TEAD4: variants seen among roughly 807,000 people sequenced by gnomAD.
The protein encoded by TEAD4 is transcriptional enhancer factor TEF-3.
In TEAD4, 36 loss-of-function variants were observed where a neutral mutation model predicts 52.4. The observed-to-expected ratio is 0.69, with a 90% CI of 0.53 to 0.91. The LOEUF (loss-of-function observed/expected upper bound fraction) is 0.91, where lower values mean the gene tolerates loss of function less well. Among genes scored for constraint, TEAD4 ranks in the 40% least tolerant of loss-of-function variants. The pLI is 0.00. For synonymous variants in TEAD4, 220 were observed against 231.0 expected (o/e 0.95, Z 0.43); for missense variants, 508 against 583.9 (o/e 0.87, Z 1.34).
intron 10 of TEAD4, among the ~76,000 whole-genome samples, chr12:3,035,377 T>G (rs2098278716): frequency 1.3e-5 from 2 of 152,244 alleles, no homozygotes; most frequent in South Asian, 4.1e-4. Context: ...GCAGCTGGGC[T>G]TCCTGCCAGC....
At position 2,990,461 on chromosome 12, in the gene TEAD4, C is replaced by CTTTTTTTTT; in HGVS notation, c.-29-4258_-29-4250dup. Among the ~76,000 whole-genome samples, 272 of 67,036 alleles carry CTTTTTTTTT rather than the reference C, an allele frequency of 4.1e-3. 86 individuals carry two copies. The highest frequency in any genetic ancestry group is 0.014 in the African/African-American group (237 of 17,018). The allele number at this position is 67,036 out of a possible 152,430, so 44.0% of individuals were successfully genotyped here. On this transcript the variant is annotated intron_variant, in intron 2 of 12. Coordinates refer to ENST00000359864, the MANE Select transcript of TEAD4 (RefSeq NM_003213.4). The stretch of plus-strand genomic sequence containing the variant: ...TAGAATTTAGGCTAAGACAGATAAT[C>CTTTTTTTTT]TTTTTTTTTTTTTTTTTTTTTTTTT...
Position 2,995,004 on chromosome 12 carries a change from G to C in TEAD4, c.226+12G>C. 1 of 1,611,398 alleles carries C rather than the reference G, an allele frequency of 6.2e-7. No individual in the cohort carries two copies. The highest frequency in any genetic ancestry group is 1.3e-5 in the African/African-American group (1 of 75,064). On this transcript the variant is annotated intron_variant, in intron 3 of 12. Coordinates refer to ENST00000359864, the MANE Select transcript of TEAD4 (RefSeq NM_003213.4). ...GGGCAAGATGTATGGTAAGGAGCCC[G>C]TCGGGTTCAGCCCTGTACCTGAGGC...
At chr12:3,035,241 G>A (rs1332430013) in intron 10 of TEAD4, among the ~76,000 whole-genome samples, 4 of 152,324 alleles carry the variant, frequency 2.6e-5, no homozygotes, top group South Asian at 2.1e-4. Flanking sequence ...AGGATGTGTC[G>A]TAGATGGCAC....
intron 5 of TEAD4, among the ~76,000 whole-genome samples, chr12:3,014,577 C>A (rs1239452706): frequency 6.6e-6 from 1 of 152,228 alleles, no homozygotes; most frequent in Non-Finnish European, 1.5e-5. Flanking sequence ...AGGCTGGGTC[C>A]TAGGCCTGGC....
chr12:2,983,140 A>T (rs975535232), intron 2 of TEAD4, among the ~76,000 whole-genome samples: 13 of 152,186 alleles, frequency 8.5e-5, no homozygotes, highest in Non-Finnish European at 1.9e-4. Flanking sequence ...TACAACCAGG[A>T]CTTAAGAGGC....
intron 2 of TEAD4, among the ~76,000 whole-genome samples, chr12:2,985,379 T>C (rs1030982137): frequency 1.3e-5 from 2 of 151,506 alleles, no homozygotes; most frequent in Admixed American, 6.6e-5. Flanking sequence ...AGCAAGACTC[T>C]GTCTCAAAAA....
chr12:3,020,894 TC>T (rs2153957441), intron 9 of TEAD4, 121 bp downstream of exon 9: 1 of 1,125,826 alleles, frequency 8.9e-7, no homozygotes, highest in African/African-American at 1.6e-5. Context: ...TCCTTTCCGA[TC>T]TTCCCTTCTG....
intron 2 of TEAD4, among the ~76,000 whole-genome samples, chr12:2,979,493 G>A (rs937034314): frequency 6.6e-6 from 1 of 152,218 alleles, no homozygotes; most frequent in South Asian, 2.1e-4. Context: ...GAAGTGCGGC[G>A]TTGCCGACCT....
intron 10 of TEAD4, among the ~76,000 whole-genome samples, chr12:3,024,645 G>A (rs2098270901): frequency 6.6e-6 from 1 of 152,084 alleles, no homozygotes; most frequent in Non-Finnish European, 1.5e-5. Flanking sequence ...GACAGAGCAA[G>A]ACCCTGCCTC....
chr12:2,987,080 G>A (rs1565530435), intron 2 of TEAD4, among the ~76,000 whole-genome samples: 1 of 152,236 alleles, frequency 6.6e-6, no homozygotes, highest in Non-Finnish European at 1.5e-5. Flanking sequence ...TGAACACTTG[G>A]TTTTGGGCAT....
At chr12:3,017,582 C>A in intron 6 of TEAD4, 56 bp downstream of exon 6, 1 of 1,557,610 alleles carries the variant, frequency 6.4e-7, no homozygotes. Flanking sequence ...CTCCCTCCTC[C>A]CTGTTCAGAA....
At chr12:3,035,087 C>T (rs1265568053) in intron 10 of TEAD4, among the ~76,000 whole-genome samples, 4 of 149,704 alleles carry the variant, frequency 2.7e-5, no homozygotes, top group Admixed American at 6.9e-5. Context: ...GGCGACAGAG[C>T]GAGATTCCGT....
chr12:2,978,905 T>C (rs755553269), intron 2 of TEAD4, among the ~76,000 whole-genome samples: 5 of 152,040 alleles, frequency 3.3e-5, no homozygotes. Context: ...TATGTCAGAA[T>C]TTCATGCCTT....
intron 10 of TEAD4, among the ~76,000 whole-genome samples, chr12:3,027,615 C>A (rs947052908): frequency 2.6e-5 from 4 of 152,172 alleles, no homozygotes; most frequent in African/African-American, 9.7e-5. Flanking sequence ...GCCAGTAACC[C>A]CTACACTTTG....
intron 3 of TEAD4, among the ~76,000 whole-genome samples, chr12:3,004,851 C>T (rs560273081): frequency 1.9e-3 from 290 of 152,302 alleles, no homozygotes; most frequent in Non-Finnish European, 2.9e-3. Flanking sequence ...GAGATGGCTG[C>T]GTTGACCTCT....
chr12:2,983,142 TTA>T (rs2098235470), intron 2 of TEAD4, among the ~76,000 whole-genome samples: 1 of 152,200 alleles, frequency 6.6e-6, no homozygotes, highest in African/African-American at 2.4e-5. Context: ...CAACCAGGAC[TTA>T]AGAGGCCTCA....
intron 5 of TEAD4, among the ~76,000 whole-genome samples, chr12:3,012,720 C>T (rs2098261367): frequency 6.6e-6 from 1 of 152,132 alleles, no homozygotes; most frequent in African/African-American, 2.4e-5. Flanking sequence ...CTTGCAGGGC[C>T]TCTGCTGATA....
Position 2,994,970 on chromosome 12 carries a change from G to A in TEAD4, c.204G>A (p.Leu68=), listed in dbSNP as rs954095472. ...CCTGTGGCAGGCGCAAAATCATCCT[G>A]TCGGACGAGGGCAAGATGTATGGTA... Residue 68 remains leucine, a synonymous_variant, in exon 3 of 13, where the codon CTG becomes CTA. Coordinates refer to ENST00000359864, the MANE Select transcript of TEAD4 (RefSeq NM_003213.4). The surrounding 1 kb of genome is among the most constrained non-coding windows in gnomAD (Gnocchi z 4.7). 4.3e-5 allele frequency: 69 copies of A among 1,613,962 alleles called. No individual in the cohort carries two copies. Among genetic ancestry groups the A allele is most frequent in the Non-Finnish European group, 4.6e-5 (54 of 1,180,012 alleles).
chr12:2,965,035 G>C (rs940507594), intron 2 of TEAD4, among the ~76,000 whole-genome samples: 13 of 152,168 alleles, frequency 8.5e-5, no homozygotes, highest in African/African-American at 2.9e-4. Context: ...CCTGGAAGGA[G>C]GGTAGGAGTA....
Sources: allele counts gnomAD v4.1 joint callset (sites outside exome capture counted in the v4.1 genomes callset), GRCh38; gene constraint gnomAD v4.1.1; non-coding constraint Gnocchi (gnomAD v3.1); transcripts MANE v1.5; gene names NCBI Gene and HGNC (gene_info 2026-07-23, HGNC 2026-07-21).